The following TMTC2 variants were observed in gnomAD, a reference collection of about 807,000 sequenced individuals.
TMTC2 encodes protein O-mannosyl-transferase TMTC2.
In TMTC2, 43 loss-of-function variants were observed where a neutral mutation model predicts 82.4. The observed-to-expected ratio is 0.52, with a 90% confidence interval of 0.41 to 0.67. The LOEUF (loss-of-function observed/expected upper bound fraction) is 0.67, where lower values mean the gene tolerates loss of function less well. TMTC2 is among the 30% of genes least tolerant of loss of function. The pLI is 0.00. For missense variants in TMTC2, 919 were observed against 1,012.4 expected, an observed-to-expected ratio of 0.91 and a Z score of 1.25; for synonymous variants, 408 against 381.9, an observed-to-expected ratio of 1.07 and a Z score of -0.80.
intron 11 of TMTC2, among the ~76,000 whole-genome samples, chr12:83,118,453 G>C (rs1396626941): frequency 1.3e-5 from 2 of 151,902 alleles, no homozygotes; most frequent in Admixed American, 1.3e-4. Context: ...TTTTAATTCT[G>C]TTTATGTGGT....
intron 7 of TMTC2, among the ~76,000 whole-genome samples, chr12:82,973,070 G>A (rs1878517530): frequency 6.6e-6 from 1 of 152,162 alleles, no homozygotes; most frequent in African/African-American, 2.4e-5. Context: ...GTTTTTAACT[G>A]TATGAGATTT....
intron 11 of TMTC2, among the ~76,000 whole-genome samples, chr12:83,114,963 T>A (rs1270631408): frequency 6.6e-6 from 1 of 151,868 alleles, no homozygotes; most frequent in Non-Finnish European, 1.5e-5. Flanking sequence ...GGGGAAAAAA[T>A]GAGTCTCTGC....
At chr12:82,750,144 C>G (rs1156457349) in intron 1 of TMTC2, among the ~76,000 whole-genome samples, 1 of 152,054 alleles carries the variant, frequency 6.6e-6, no homozygotes, top group African/African-American at 2.4e-5. Context: ...TCACTACATA[C>G]TTATTTGTAG....
chr12:82,864,551 G>A (rs1219633135), intron 2 of TMTC2, among the ~76,000 whole-genome samples: 1 of 146,020 alleles, frequency 6.8e-6, no homozygotes, highest in African/African-American at 2.6e-5. Flanking sequence ...CGCCACGCTG[G>A]AGTGCAGTGG....
chr12:82,790,839 A>G (rs1030646719), intron 1 of TMTC2, among the ~76,000 whole-genome samples: 3 of 151,726 alleles, frequency 2.0e-5, no homozygotes, highest in Non-Finnish European at 2.9e-5. Flanking sequence ...AAAAAAAAAA[A>G]AAAGAAAGAA....
intron 1 of TMTC2, among the ~76,000 whole-genome samples, chr12:82,693,825 A>G (rs1368254163): frequency 6.6e-6 from 1 of 151,984 alleles, no homozygotes; most frequent in Admixed American, 6.6e-5. Context: ...AAAATTAGCC[A>G]GGCATGGTGG....
Position 83,056,313 on chromosome 12 carries a change from G to C in TMTC2, c.2267+5295G>C, listed in dbSNP as rs142113222. On this transcript the variant is annotated intron_variant, in intron 10 of 11. Coordinates refer to ENST00000321196, the MANE Select transcript of TMTC2 (RefSeq NM_152588.3). ...GCACTTTCCTTTTTTCTAGGCCTAAGGGTGGAAACTATCACTGTTCCCCAA... is the reference window on the plus strand; with the variant it reads ...GCACTTTCCTTTTTTCTAGGCCTAACGGTGGAAACTATCACTGTTCCCCAA... Among the ~76,000 whole-genome samples, 24 of 151,904 alleles carry C rather than the reference G, an allele frequency of 1.6e-4. No individual in the cohort carries two copies. In the East Asian group the frequency reaches 4.7e-3, roughly 29 times the overall value.
intron 1 of TMTC2, among the ~76,000 whole-genome samples, chr12:82,713,332 C>CA (rs201602876): frequency 0.062 from 9,150 of 147,672 alleles, 378 homozygotes; most frequent in Admixed American, 0.13. Context: ...AAAAGAAAAA[C>CA]AAAAAAAAAC....
intron 3 of TMTC2, among the ~76,000 whole-genome samples, chr12:82,904,721 A>C (rs1874196951): frequency 6.6e-6 from 1 of 152,182 alleles, no homozygotes; most frequent in African/African-American, 2.4e-5. Flanking sequence ...TTAAAGCCAT[A>C]TTGATTCGTA....
chr12:82,859,846 G>A (rs1871446555), intron 2 of TMTC2, among the ~76,000 whole-genome samples: 3 of 152,218 alleles, frequency 2.0e-5, no homozygotes, highest in Admixed American at 6.5e-5. Context: ...AGCAAGGGTA[G>A]TGGTCGGGGG....
intron 4 of TMTC2, among the ~76,000 whole-genome samples, chr12:82,931,407 C>G (rs1013105320): frequency 2.0e-5 from 3 of 152,054 alleles, no homozygotes; most frequent in Admixed American, 1.3e-4. Flanking sequence ...AGAAAAATCC[C>G]TAGGGGAAAA....
chr12:83,063,109 A>G (rs1882800812), intron 11 of TMTC2, among the ~76,000 whole-genome samples: 1 of 151,836 alleles, frequency 6.6e-6, no homozygotes, highest in East Asian at 1.9e-4. Context: ...ATGCAGAAGT[A>G]TGATTAGAAG....
At chr12:82,767,699 CCTT>C (rs1378420466) in intron 1 of TMTC2, among the ~76,000 whole-genome samples, 9 of 152,146 alleles carry the variant, frequency 5.9e-5, no homozygotes, top group Admixed American at 4.6e-4. Flanking sequence ...AGCTTTTCCT[CCTT>C]CTTCATCTGT....
intron 4 of TMTC2, among the ~76,000 whole-genome samples, chr12:82,942,832 ATT>A (rs984678490): frequency 4.9e-4 from 74 of 152,200 alleles, no homozygotes; most frequent in African/African-American, 1.6e-3. Flanking sequence ...ATCTAGCTTA[ATT>A]TTTTTATTTA....
chr12:83,067,329 T>A (rs2033576), intron 11 of TMTC2, among the ~76,000 whole-genome samples: 1 of 151,944 alleles, frequency 6.6e-6, no homozygotes, highest in Non-Finnish European at 1.5e-5. Flanking sequence ...AATAAATATT[T>A]GAATTTATTA....
At chr12:82,987,514 A>T (rs534777492) in intron 8 of TMTC2, among the ~76,000 whole-genome samples, 3 of 152,236 alleles carry the variant, frequency 2.0e-5, no homozygotes, top group African/African-American at 7.2e-5. Flanking sequence ...GATCTACTTA[A>T]TAAAATATAA....
At chr12:82,694,591 GTAGTTA>G (rs1316143319) in intron 1 of TMTC2, among the ~76,000 whole-genome samples, 2 of 152,198 alleles carry the variant, frequency 1.3e-5, no homozygotes, top group Non-Finnish European at 1.5e-5. Flanking sequence ...GGCACAGCAT[GTAGTTA>G]TAGTCAAGAT....
intron 3 of TMTC2, among the ~76,000 whole-genome samples, chr12:82,912,184 T>A (rs1874708252): frequency 6.6e-6 from 1 of 152,232 alleles, no homozygotes; most frequent in African/African-American, 2.4e-5. Flanking sequence ...AAAATTTCTC[T>A]GTAGACATTT....
intron 1 of TMTC2, among the ~76,000 whole-genome samples, chr12:82,718,482 T>C (rs574847958): frequency 6.6e-6 from 1 of 152,182 alleles, no homozygotes; most frequent in Non-Finnish European, 1.5e-5. Context: ...CATAAAGTAT[T>C]CATGGCCACA....
Sources: gnomAD v4.1 joint callset for allele counts (sites outside exome capture counted in the v4.1 genomes callset) on GRCh38, gnomAD v4.1.1 for gene constraint, MANE v1.5 for transcripts, NCBI Gene and HGNC (gene_info 2026-07-23, HGNC 2026-07-21) for gene names.